The following SERPINF2 variants were observed in gnomAD, a reference collection of about 807,000 sequenced individuals.
SERPINF2 encodes the protein serpin family F member 2, also known as alpha-2-antiplasmin.
In SERPINF2, 15 loss-of-function variants were observed where a neutral mutation model predicts 45.0. That is an observed-to-expected ratio of 0.33 (90% CI 0.22 to 0.51). The LOEUF (loss-of-function observed/expected upper bound fraction) is 0.51. Among genes scored for constraint, SERPINF2 ranks in the 20% least tolerant of loss-of-function variants. The pLI is 0.97. For missense variants in SERPINF2, 518 were observed against 637.4 expected (o/e 0.81, Z 2.02); for synonymous variants, 283 against 277.9 (o/e 1.02, Z -0.18).
intron 1 of SERPINF2, 83 bp from the exon 2 acceptor site, chr17:1,744,909 C>A: frequency 1.2e-6 from 2 of 1,606,296 alleles, no homozygotes; most frequent in Non-Finnish European, 1.7e-6. Flanking sequence ...CAGGACTTGG[C>A]GTTATCTGTG....
intron 1 of SERPINF2, chr17:1,743,195 C>A: frequency 1.3e-6 from 1 of 742,458 alleles, no homozygotes; most frequent in Non-Finnish European, 1.6e-6. Context: ...GTAGCTGAGA[C>A]CTGCTCTGAC....
Position 1,745,373 on chromosome 17 carries a change from C to A in SERPINF2, c.143C>A (p.Thr48Asn), listed in dbSNP as rs1479551185. Reference protein sequence around the residue: ...GPNQEQVSPLTLLKLGNQEPG... With the variant: ...GPNQEQVSPLNLLKLGNQEPG... ...AACCAGGAGCAGGTGTCCCCACTTA[C>A]CCTCCTCAAGTTGGGCAACCAGGTA... Residue 48 changes from threonine to asparagine, a missense_variant, in exon 4 of 10, where the codon ACC becomes AAC. Thr to Asn is a moderately conservative substitution (Grantham distance 65). Coordinates refer to ENST00000453066, the MANE Select transcript of SERPINF2 (RefSeq NM_000934.4). The surrounding 1 kb of genome is among the most constrained non-coding windows in gnomAD (Gnocchi z 6.2). 6.2e-6 allele frequency: 10 copies of A among 1,612,750 alleles called. No individual in the cohort carries two copies. Among genetic ancestry groups the A allele is most frequent in the South Asian group, 3.3e-5 (3 of 91,054 alleles).
intron 8 of SERPINF2, among the ~76,000 whole-genome samples, chr17:1,751,638 C>T (rs1906406215): frequency 7.3e-6 from 1 of 136,944 alleles, no homozygotes; most frequent in African/African-American, 2.5e-5. Context: ...CCTGTAATCC[C>T]AGCTACTCGG....
intron 1 of SERPINF2, chr17:1,743,128 C>G (rs59802660): frequency 2.9e-4 from 206 of 700,068 alleles, no homozygotes; most frequent in East Asian, 4.3e-4. Context: ...GGGGTGGGGC[C>G]GGGGGGACCA....
rs201846794 is a variant in SERPINF2, at chr17:1,754,354, C to T, written c.1296C>T (p.Ser432=). 1.9e-5 allele frequency: 31 copies of T among 1,614,158 alleles called. No individual in the cohort carries two copies. In the East Asian group the frequency reaches 2.7e-4, roughly 14 times the overall value. ...CAGGCCTTCCCCTCTTCGTGGGCAG[C>T]GTGAGGAACCCCAACCCCAGTGCAC... ...DTTGLPLFVG[S]VRNPNPSAPR... The change falls in exon 10 of 10, where the codon AGC becomes AGT. Residue 432 remains serine (S), a synonymous_variant. Transcript: ENST00000453066.
intron 8 of SERPINF2, among the ~76,000 whole-genome samples, chr17:1,751,847 G>A (rs1029026133): frequency 7.3e-6 from 1 of 137,428 alleles, no homozygotes; most frequent in Admixed American, 7.3e-5. Flanking sequence ...AGGGTGGGGC[G>A]GGCAGCACTC....
rs780607415 is a variant in SERPINF2 at position 1,745,293 on chromosome 17, T to G, written c.103-40T>G. 1.9e-6 allele frequency: 3 copies of G among 1,610,164 alleles called. No individual in the cohort carries two copies. The Admixed American group carries it at 5.0e-5, about 27-fold the overall frequency. Reference sequence around the variant, plus strand: ...TGGCTTGGGCAGGGTGGGGGGCCTGTGGGAAGGGTCGGTCTCCATCTGCTT... The same window carrying G: ...TGGCTTGGGCAGGGTGGGGGGCCTGGGGGAAGGGTCGGTCTCCATCTGCTT... On this transcript the variant is annotated intron_variant, in intron 3 of 9. Transcript: ENST00000453066. This position sits in a 1 kb window ranked among gnomAD's most constrained non-coding sequence, Gnocchi z 6.2.
chr17:1,749,772 G>A (rs964100735), intron 8 of SERPINF2, among the ~76,000 whole-genome samples: 1 of 152,082 alleles, frequency 6.6e-6, no homozygotes, highest in Non-Finnish European at 1.5e-5. Context: ...TCAGGTGACC[G>A]TTGTTGATAA....
intron 1 of SERPINF2, chr17:1,743,151 G>A (rs1167209313): frequency 2.1e-6 from 2 of 974,386 alleles, no homozygotes; most frequent in Non-Finnish European, 2.4e-6. Context: ...GGATCCTCCA[G>A]AAGGGTTGGC....
intron 1 of SERPINF2, chr17:1,744,528 T>C: frequency 1.0e-6 from 1 of 983,848 alleles, no homozygotes; most frequent in Non-Finnish European, 1.2e-6. Context: ...AAAAAGACGG[T>C]CTTATTTTGG....
intron 5 of SERPINF2, among the ~76,000 whole-genome samples, chr17:1,746,261 G>A (rs961252205): frequency 6.6e-6 from 1 of 151,858 alleles, no homozygotes; most frequent in Admixed American, 6.6e-5. Flanking sequence ...AGGTTACAGT[G>A]AGCCGAGATG....
intron 7 of SERPINF2, 51 bp downstream of exon 7, chr17:1,747,563 G>C (rs575887048): frequency 6.3e-6 from 10 of 1,576,518 alleles, no homozygotes; most frequent in Non-Finnish European, 7.8e-6. Context: ...GAGCTGGGAC[G>C]TGCAGGCCTT....
rs116727048 is a variant in SERPINF2, at chr17:1,743,770, A to G, written c.-5+862A>G. ...GCTAAATGGATGCAGCAGGCTGGGT[A>G]GGAGCTCTGTGTTGGAGCTCTGCGG... On this transcript the variant is annotated intron_variant, in intron 1 of 9. Transcript: ENST00000453066. 2.3e-3 allele frequency among the ~76,000 whole-genome samples: 349 copies of G among 149,002 alleles called. 1 individual carries two copies. Among genetic ancestry groups the G allele is most frequent in the African/African-American group, 8.2e-3 (333 of 40,686 alleles).
chr17:1,746,616 G>T (rs374264493), intron 5 of SERPINF2, among the ~76,000 whole-genome samples: 2 of 152,004 alleles, frequency 1.3e-5, no homozygotes, highest in Admixed American at 1.3e-4. Flanking sequence ...TAGTAGAGAC[G>T]GGGTTTCACC....
chr17:1,744,924 C>T (rs752826496), intron 1 of SERPINF2, 68 bp from the exon 2 acceptor site: 31 of 1,609,916 alleles, frequency 1.9e-5, no homozygotes, highest in African/African-American at 8.0e-5. Flanking sequence ...TCTGTGATCG[C>T]GTGGGTAGGA....
chr17:1,748,625 G>C lies in SERPINF2; in HGVS notation c.743G>C (p.Ser248Thr). The C allele has an allele frequency of 6.2e-7, 1 of 1,614,054 alleles. No individual in the cohort carries two copies. The highest frequency in any genetic ancestry group is 8.5e-7 in the Non-Finnish European group (1 of 1,180,048). The change falls in exon 8 of 10, where the codon AGC becomes ACC. Residue 248 changes from serine (S) to threonine (T), a missense_variant. Coordinates refer to ENST00000453066, the MANE Select transcript of SERPINF2 (RefSeq NM_000934.4). ...TTCTGGAGGAACAAGTTTGACCCGAGCCTTACCCAGAGAGACTCCTTCCAC... is the reference window on the plus strand; with the variant it reads ...TTCTGGAGGAACAAGTTTGACCCGACCCTTACCCAGAGAGACTCCTTCCAC... ...QGFWRNKFDPSLTQRDSFHLD... is the reference protein window; with the variant it reads ...QGFWRNKFDPTLTQRDSFHLD...
chr17:1,750,922 G>C (rs776533670), intron 8 of SERPINF2, among the ~76,000 whole-genome samples: 10 of 152,136 alleles, frequency 6.6e-5, no homozygotes, highest in Non-Finnish European at 1.3e-4. Flanking sequence ...CCTCCAGGCT[G>C]TGTCCTGCGT....
intron 1 of SERPINF2, 197 bp downstream of exon 1, chr17:1,743,105 C>T: frequency 1.0e-6 from 1 of 978,228 alleles, no homozygotes; most frequent in Non-Finnish European, 1.2e-6. Flanking sequence ...GCCAAGGGCT[C>T]TTGTGTGGGA....
chr17:1,746,211 A>G (rs1189739470), intron 5 of SERPINF2, among the ~76,000 whole-genome samples: 1 of 151,874 alleles, frequency 6.6e-6, no homozygotes, highest in African/African-American at 2.4e-5. Context: ...CCAGCTACTC[A>G]GGAGGCTGAG....
Sources: allele counts gnomAD v4.1 joint callset (sites outside exome capture counted in the v4.1 genomes callset), GRCh38; gene constraint gnomAD v4.1.1; non-coding constraint Gnocchi (gnomAD v3.1); transcripts MANE v1.5; gene names NCBI Gene and HGNC (gene_info 2026-07-23, HGNC 2026-07-21).